NTNG1: variants seen among roughly 807,000 people sequenced by gnomAD.
NTNG1 encodes netrin G1.
In NTNG1, 16 loss-of-function variants were observed where a neutral mutation model predicts 54.0. That is an observed-to-expected ratio of 0.30 (90% CI 0.20 to 0.45). The LOEUF (loss-of-function observed/expected upper bound fraction) is 0.45. NTNG1 is among the 20% of genes least tolerant of loss of function. The pLI is 1.00. For synonymous variants in NTNG1, 255 were observed against 263.1 expected (o/e 0.97, Z 0.30); for missense variants, 530 against 678.7 (o/e 0.78, Z 2.43).
chr1:107,233,997 A>G (rs1232407437), intron 2 of NTNG1, among the ~76,000 whole-genome samples: 1 of 152,142 alleles, frequency 6.6e-6, no homozygotes, highest in East Asian at 1.9e-4. Flanking sequence ...CTGTCACTTT[A>G]TACCCCGGAG....
chr1:107,419,794 T>C (rs372227758), intron 5 of NTNG1, among the ~76,000 whole-genome samples: 158 of 152,150 alleles, frequency 1.0e-3, no homozygotes, highest in African/African-American at 3.8e-3. Flanking sequence ...GGAGTCAAAT[T>C]GGAAGGGCTG....
rs116074131 is a variant in NTNG1, at chr1:107,194,202, T to G, written c.246+45363T>G. Among the ~76,000 whole-genome samples the G allele has an allele frequency of 4.5e-3, 689 of 152,100 alleles. 1 individual carries two copies. Among genetic ancestry groups the G allele is most frequent in the African/African-American group, 0.016 (656 of 41,542 alleles). ...CTCTACCTCCACCATGTTCCTATAT[T>G]GCTCTGGGCTCTGGGCTTTCCAAAG... On this transcript the variant is annotated intron_variant, in intron 2 of 7. Transcript: ENST00000370068.
At chr1:107,171,915 G>A (rs559447860) in intron 2 of NTNG1, among the ~76,000 whole-genome samples, 2 of 151,716 alleles carry the variant, frequency 1.3e-5, no homozygotes, top group Non-Finnish European at 2.9e-5. Flanking sequence ...TGTTTTCCTT[G>A]GTTTTTTATT....
rs139432660 is a variant in NTNG1 at position 107,231,177 on chromosome 1, A to C, written c.246+82338A>C. 9.1e-4 allele frequency among the ~76,000 whole-genome samples: 138 copies of C among 152,348 alleles called. 2 individuals are homozygous for C. Among genetic ancestry groups the C allele is most frequent in the African/African-American group, 3.2e-3 (133 of 41,582 alleles). On this transcript the variant is annotated intron_variant, in intron 2 of 7. Transcript: ENST00000370068. ...TCATGTAAACTACCTGTACAATAAA[A>C]GATCAATACAATGCCATGATGGCCA...
At chr1:107,365,131 C>A (rs111659785) in intron 3 of NTNG1, among the ~76,000 whole-genome samples, 13 of 152,208 alleles carry the variant, frequency 8.5e-5, no homozygotes, top group Admixed American at 2.6e-4. Context: ...GTATCCAAAG[C>A]TCACATTACA....
Position 107,324,874 on chromosome 1 carries a change from A to G in NTNG1, c.839A>G (p.His280Arg), listed in dbSNP as rs369526685. 1 of 1,613,342 alleles carries G rather than the reference A, an allele frequency of 6.2e-7. No homozygotes were observed. Among genetic ancestry groups the G allele is most frequent in the African/African-American group, 1.3e-5 (1 of 74,982 alleles). ...GGGGAAATATTTGTAGATGAGCTAC[A>G]CTTGGCACGCTACTTTTACGCGATC... Reference protein sequence around the residue: ...AVGEIFVDELHLARYFYAISD... With the variant: ...AVGEIFVDELRLARYFYAISD... Residue 280 changes from histidine to arginine, a missense_variant, in exon 3 of 8, where the codon CAC (histidine) becomes CGC (arginine). Coordinates refer to ENST00000370068, the MANE Select transcript of NTNG1 (RefSeq NM_001113226.3).
intron 2 of NTNG1, among the ~76,000 whole-genome samples, chr1:107,152,465 C>T (rs1262482267): frequency 2.0e-5 from 3 of 152,268 alleles, no homozygotes; most frequent in South Asian, 2.1e-4. Flanking sequence ...CATATCTTCC[C>T]GCACACCCCA....
chr1:107,461,084 A>G (rs926561161), intron 7 of NTNG1, among the ~76,000 whole-genome samples: 2 of 152,212 alleles, frequency 1.3e-5, no homozygotes, highest in Admixed American at 6.5e-5. Flanking sequence ...ATACATGTGT[A>G]AAAAGCGTGA....
At chr1:107,346,026 G>A (rs1285362442) in intron 3 of NTNG1, among the ~76,000 whole-genome samples, 1 of 152,196 alleles carries the variant, frequency 6.6e-6, no homozygotes, top group African/African-American at 2.4e-5. Context: ...AGGCACACCT[G>A]ATAAGCCTCG....
At chr1:107,228,021 A>T (rs971894020) in intron 2 of NTNG1, among the ~76,000 whole-genome samples, 3 of 152,182 alleles carry the variant, frequency 2.0e-5, no homozygotes, top group South Asian at 2.1e-4. Context: ...TGACTTCTAG[A>T]TAATAAATTA....
At chr1:107,307,471 A>G (rs1232880731) in intron 2 of NTNG1, among the ~76,000 whole-genome samples, 1 of 152,192 alleles carries the variant, frequency 6.6e-6, no homozygotes, top group Non-Finnish European at 1.5e-5. Context: ...TTTAAATATT[A>G]GTTCATTTAG....
intron 2 of NTNG1, among the ~76,000 whole-genome samples, chr1:107,254,353 A>G (rs1331853980): frequency 6.6e-6 from 1 of 152,260 alleles, no homozygotes; most frequent in African/African-American, 2.4e-5. Context: ...CTCTGTATCC[A>G]GTAAGCTAAA....
chr1:107,430,992 G>A, intron 6 of NTNG1, 75 bp downstream of exon 6: 1 of 1,420,562 alleles, frequency 7.0e-7, no homozygotes, highest in Admixed American at 1.9e-5. Flanking sequence ...TGGAGAGGCT[G>A]GCGATTTGCA....
intron 2 of NTNG1, among the ~76,000 whole-genome samples, chr1:107,156,051 C>G (rs1654971240): frequency 6.6e-6 from 1 of 152,138 alleles, no homozygotes; most frequent in Non-Finnish European, 1.5e-5. Flanking sequence ...TAAGTACACT[C>G]TATGATGTTC....
At chr1:107,396,500 CT>C (rs1047046739) in intron 4 of NTNG1, among the ~76,000 whole-genome samples, 17 of 152,232 alleles carry the variant, frequency 1.1e-4, no homozygotes, top group African/African-American at 3.9e-4. Context: ...AGAAAAAAAA[CT>C]TGACTTCTTG....
intron 2 of NTNG1, among the ~76,000 whole-genome samples, chr1:107,315,167 C>T (rs1443910128): frequency 2.6e-5 from 4 of 152,078 alleles, no homozygotes; most frequent in African/African-American, 7.2e-5. Flanking sequence ...CATATCTAGA[C>T]CTGTCATAAA....
At chr1:107,205,517 T>C (rs1214047421) in intron 2 of NTNG1, among the ~76,000 whole-genome samples, 1 of 152,182 alleles carries the variant, frequency 6.6e-6, no homozygotes, top group African/African-American at 2.4e-5. Context: ...GTTAAAAGTT[T>C]GGACCAGGAT....
At chr1:107,249,159 CAAT>C (rs71095305) in intron 2 of NTNG1, among the ~76,000 whole-genome samples, 8 of 143,750 alleles carry the variant, frequency 5.6e-5, no homozygotes, top group African/African-American at 1.3e-4. Flanking sequence ...GACTCTATCT[CAAT>C]AATAATAATA....
intron 3 of NTNG1, among the ~76,000 whole-genome samples, chr1:107,325,374 G>A (rs1349848839): frequency 1.3e-5 from 2 of 152,032 alleles, no homozygotes; most frequent in Admixed American, 6.6e-5. Flanking sequence ...CTAGAGTTAT[G>A]TTTCTTTAAA....
Sources: allele counts gnomAD v4.1 joint callset (sites outside exome capture counted in the v4.1 genomes callset), GRCh38; gene constraint gnomAD v4.1.1; transcripts MANE v1.5; gene names NCBI Gene and HGNC (gene_info 2026-07-23, HGNC 2026-07-21).